Variants in CCDC97 observed in about 807,000 individuals in gnomAD.
CCDC97 encodes coiled-coil domain-containing protein 97.
Under a neutral mutation model 33.9 loss-of-function variants are expected in CCDC97, and 27 were observed. The ratio of observed to expected loss-of-function variants is 0.80; its 90% CI spans 0.59 to 1.10. The LOEUF (loss-of-function observed/expected upper bound fraction) is 1.10, where lower values mean the gene tolerates loss of function less well. CCDC97 is among the 50% of genes least tolerant of loss of function. The pLI is 0.00. For synonymous variants in CCDC97, 217 were observed against 194.0 expected, an observed-to-expected ratio of 1.12 and a Z score of -0.99; for missense variants, 422 against 476.6, an observed-to-expected ratio of 0.89 and a Z score of 1.07.
At position 41,322,607 on chromosome 19, in the gene CCDC97, C is replaced by CAACCCCG. The variant is rs758042653; in HGVS notation, c.926_932dup (p.Asp311GlufsTer14). On this transcript the variant is annotated frameshift_variant, in exon 5 of 5. Transcript: ENST00000269967. LOFTEE classifies it high-confidence loss of function. ...CCTCCTCCTGCAGCACAGTAGACGA[C>CAACCCCG]AACCCCGACTTCGACAACCTCGACA... 4 of 1,613,692 alleles carry CAACCCCG rather than the reference C, an allele frequency of 2.5e-6. No homozygotes were observed. In the Admixed American group the frequency reaches 6.7e-5, roughly 27 times the overall value.
chr19:41,310,455 G>C, intron 1 of CCDC97, 99 bp downstream of exon 1: 1 of 1,526,880 alleles, frequency 6.5e-7, no homozygotes, highest in Admixed American at 2.0e-5. Flanking sequence ...GTTTTAGGGG[G>C]ACACCCACCC....
rs1244075732 is a variant in CCDC97, at chr19:41,324,356, CAG to C, written c.*1642_*1643del. On this transcript the variant is annotated 3_prime_UTR_variant, in exon 5 of 5. Transcript: ENST00000269967. ...TCGGCCATCAGAGGCAGAAATGAAA[CAG>C]GAACCCAGGCCTAGAATCACAAAGG... 6.6e-6 allele frequency: 1 copy of C among 152,202 alleles called. No individual in the cohort carries two copies. Among genetic ancestry groups the C allele is most frequent in the East Asian group, 1.9e-4 (1 of 5,188 alleles). 9.4% of individuals were successfully genotyped at this position (152,202 alleles called of 1,614,324 possible). A position where few individuals can be genotyped will look rare whatever the true frequency, so the allele number is the denominator to read the frequency against.
chr19:41,310,463 C>G, intron 1 of CCDC97, 107 bp downstream of exon 1: 2 of 1,517,000 alleles, frequency 1.3e-6, no homozygotes, highest in Admixed American at 2.0e-5. Flanking sequence ...GGGACACCCA[C>G]CCCCCTCAGC....
intron 1 of CCDC97, chr19:41,310,797 CCAAT>C: frequency 1.0e-6 from 1 of 1,000,526 alleles, no homozygotes; most frequent in Non-Finnish European, 1.2e-6. Flanking sequence ...CAAACTTATC[CCAAT>C]CTAACGATTC....
intron 1 of CCDC97, 52 bp from the exon 2 acceptor site, chr19:41,316,332 A>C: frequency 1.4e-6 from 2 of 1,430,622 alleles, no homozygotes; most frequent in African/African-American, 1.4e-5. Flanking sequence ...CTAAGCCCCC[A>C]GTCCCTTCCC....
At position 41,318,315 on chromosome 19, in the gene CCDC97, T is replaced by C. The variant is rs536722606; in HGVS notation, c.503-1259T>C. Among the ~76,000 whole-genome samples, 5 of 152,044 alleles carry C rather than the reference T, an allele frequency of 3.3e-5. No individual in the cohort carries two copies. In the South Asian group the frequency reaches 6.2e-4, roughly 19 times the overall value. On this transcript the variant is annotated intron_variant, in intron 2 of 4. Transcript: ENST00000269967. ...AATACAAAAAAAATTAGCCAGGCAC[T>C]GTGGCAGGTGCCTATAATCCCAGCT...
chr19:41,310,185 C>T lies in CCDC97; in HGVS notation c.-126C>T, dbSNP rs571132391. 11 of 1,362,932 alleles carry T rather than the reference C, an allele frequency of 8.1e-6. No homozygotes were observed. The highest frequency in any genetic ancestry group is 7.2e-5 in the African/African-American group (5 of 69,610). 84.4% of individuals were successfully genotyped at this position (1,362,932 alleles called of 1,614,324 possible). A position where few individuals can be genotyped will look rare whatever the true frequency, so the allele number is the denominator to read the frequency against. ...AACGTCTGCCTTAGGCCCGGAACTT[C>T]GGTGCCTGGGCGCAGCGGTGCACCC... is the stretch of plus-strand genomic sequence containing the variant. On this transcript the variant is annotated 5_prime_UTR_variant, in exon 1 of 5. Coordinates refer to ENST00000269967, the MANE Select transcript of CCDC97 (RefSeq NM_052848.3).
chr19:41,319,818 G>T lies in CCDC97; in HGVS notation c.747G>T (p.Glu249Asp), dbSNP rs768319444. ...AGGAGGAGGAGGAGGCCTGCTTGGA[G>T]GAAGAGGAAGAGGAGGAGGACAGTG... ...QQQEEEEACL[E>D]EEEEEEDSDE... The change falls in exon 3 of 5, where the codon GAG (glutamate) becomes GAT (aspartate). Residue 249 changes from glutamate (E) to aspartate (D), a missense_variant. Glu to Asp is a conservative substitution (Grantham distance 45). Transcript: ENST00000269967. 2.2e-4 allele frequency: 341 copies of T among 1,576,524 alleles called. 3 individuals are homozygous for T. In the East Asian group the frequency reaches 7.5e-3, roughly 35 times the overall value.
At chr19:41,313,149 C>T (rs547773789) in intron 1 of CCDC97, among the ~76,000 whole-genome samples, 1 of 152,248 alleles carries the variant, frequency 6.6e-6, no homozygotes, top group South Asian at 2.1e-4. Context: ...TTTTTAGCTT[C>T]AGAGGCATGT....
Position 41,319,835 on chromosome 19 carries a change from A to G in CCDC97, c.764A>G (p.Glu255Gly), listed in dbSNP as rs750185796. ...TGCTTGGAGGAAGAGGAAGAGGAGG[A>G]GGACAGTGACGAGGAAGGTGAGGGC... ...EACLEEEEEE[E>G]DSDEEDQRSG... The change falls in exon 3 of 5, where the codon GAG becomes GGG. Residue 255 changes from glutamate to glycine, a missense_variant. Coordinates refer to ENST00000269967, the MANE Select transcript of CCDC97 (RefSeq NM_052848.3). The G allele has an allele frequency of 1.4e-5, 22 of 1,544,968 alleles. No individual in the cohort carries two copies. Among genetic ancestry groups the G allele is most frequent in the African/African-American group, 2.7e-5 (2 of 73,430 alleles).
chr19:41,311,303 A>G (rs1158174901), intron 1 of CCDC97, among the ~76,000 whole-genome samples: 2 of 151,998 alleles, frequency 1.3e-5, no homozygotes, highest in Admixed American at 6.6e-5. Flanking sequence ...TGGGAGTGTC[A>G]CTCGAATCCT....
chr19:41,311,999 G>T (rs2037691346), intron 1 of CCDC97, among the ~76,000 whole-genome samples: 1 of 152,216 alleles, frequency 6.6e-6, no homozygotes, highest in Non-Finnish European at 1.5e-5. Context: ...ACGACTGTCT[G>T]ACTTTTCTCC....
chr19:41,321,850 A>G (rs2037827883), intron 4 of CCDC97, among the ~76,000 whole-genome samples: 1 of 152,196 alleles, frequency 6.6e-6, no homozygotes, highest in Non-Finnish European at 1.5e-5. Context: ...TGGCAACCCA[A>G]GTGCGTGCTG....
At position 41,316,745 on chromosome 19, in the gene CCDC97, T is replaced by G. The variant is rs2037753035; in HGVS notation, c.408T>G (p.Cys136Trp). 6.2e-7 allele frequency: 1 copy of G among 1,613,444 alleles called. No individual in the cohort carries two copies. Residue 136 changes from cysteine to tryptophan, a missense_variant, in exon 2 of 5, where the codon TGT (cysteine) becomes TGG (tryptophan). Cys to Trp is a radical substitution (Grantham distance 215). Coordinates refer to ENST00000269967, the MANE Select transcript of CCDC97 (RefSeq NM_052848.3). The stretch of plus-strand genomic sequence containing the variant: ...GCGACCACCGTGCAGACTTCTACTG[T>G]GCTGAGGTGGCCCGGCAGGGCACTG... ...VRGDHRADFY[C>W]AEVARQGTAR... is the part of the protein sequence containing the mutation.
At chr19:41,321,669 T>C (rs979700036) in intron 4 of CCDC97, among the ~76,000 whole-genome samples, 1 of 152,084 alleles carries the variant, frequency 6.6e-6, no homozygotes, top group Non-Finnish European at 1.5e-5. Flanking sequence ...AGGGAAGGCC[T>C]CTCTGAGGGG....
intron 1 of CCDC97, 63 bp from the exon 2 acceptor site, chr19:41,316,321 A>G: frequency 7.6e-7 from 1 of 1,322,976 alleles, no homozygotes; most frequent in South Asian, 1.3e-5. Flanking sequence ...TGAGTGAGTG[A>G]CTAAGCCCCC....
Position 41,316,743 on chromosome 19 carries a change from T to G in CCDC97, c.406T>G (p.Cys136Gly). The change falls in exon 2 of 5, where the codon TGT (cysteine) becomes GGT (glycine). Residue 136 changes from cysteine to glycine, a missense_variant. Transcript: ENST00000269967. ...VRGDHRADFY[C>G]AEVARQGTAR... Reference sequence around the variant, plus strand: ...TGGCGACCACCGTGCAGACTTCTACTGTGCTGAGGTGGCCCGGCAGGGCAC... The same window carrying G: ...TGGCGACCACCGTGCAGACTTCTACGGTGCTGAGGTGGCCCGGCAGGGCAC... 1 of 1,613,506 alleles carries G rather than the reference T, an allele frequency of 6.2e-7. No homozygotes were observed. Among genetic ancestry groups the G allele is most frequent in the East Asian group, 2.2e-5 (1 of 44,850 alleles).
At chr19:41,319,551 C>T in intron 2 of CCDC97, 23 bp from the exon 3 acceptor site, 1 of 1,552,112 alleles carries the variant, frequency 6.4e-7, no homozygotes, top group Non-Finnish European at 8.8e-7. Flanking sequence ...ACCCCATGCC[C>T]ACCCTGTCTC....
intron 1 of CCDC97, among the ~76,000 whole-genome samples, chr19:41,312,697 C>T (rs767158464): frequency 6.6e-6 from 1 of 152,204 alleles, no homozygotes; most frequent in Non-Finnish European, 1.5e-5. Context: ...TGGGAGAAAA[C>T]CCATTTCTTG....
Sources: allele counts gnomAD v4.1 joint callset (sites outside exome capture counted in the v4.1 genomes callset), GRCh38; gene constraint gnomAD v4.1.1; transcripts MANE v1.5; gene names NCBI Gene and HGNC (gene_info 2026-07-23, HGNC 2026-07-21).